Variants in ATG7 observed in about 807,000 individuals in gnomAD.
ATG7 encodes autophagy related 7, also known as ubiquitin-like modifier-activating enzyme ATG7.
In ATG7, 70 loss-of-function variants were observed where a neutral mutation model predicts 82.4. The ratio of observed to expected loss-of-function variants is 0.85; its 90% CI spans 0.70 to 1.04. ATG7 has a LOEUF of 1.04. Ranked by LOEUF, ATG7 falls within the 50% of genes least tolerant of loss-of-function variation. The pLI is 0.00. For synonymous variants in ATG7, 287 were observed against 313.0 expected (o/e 0.92, Z 0.88); for missense variants, 792 against 864.3 (o/e 0.92, Z 1.05).
At chr3:11,470,694 G>A (rs956809286) in intron 20 of ATG7, among the ~76,000 whole-genome samples, 1 of 152,158 alleles carries the variant, frequency 6.6e-6, no homozygotes, top group Non-Finnish European at 1.5e-5. Context: ...AAATGTGTGG[G>A]CTGACATAAT....
chr3:11,447,136 T>C (rs2084641406), intron 20 of ATG7, among the ~76,000 whole-genome samples: 1 of 152,186 alleles, frequency 6.6e-6, no homozygotes, highest in Admixed American at 6.5e-5. Flanking sequence ...TTACAAGTGA[T>C]AGAAACCAAA....
rs145719245 is a variant in ATG7, at chr3:11,326,164, G to A, written c.679-5176G>A. On this transcript the variant is annotated intron_variant, in intron 9 of 20. Transcript: ENST00000693202. ...AAAACACATACCTGCTTACTGTTAA[G>A]CAAGTGAGTTTTTCACTACATCAGG... 2.7e-3 allele frequency among the ~76,000 whole-genome samples: 410 copies of A among 152,248 alleles called. 1 individual carries two copies. The highest frequency in any genetic ancestry group is 4.5e-3 in the Non-Finnish European group (307 of 68,028).
At chr3:11,401,418 C>G (rs892592926) in intron 19 of ATG7, among the ~76,000 whole-genome samples, 2 of 152,050 alleles carry the variant, frequency 1.3e-5, no homozygotes, top group African/African-American at 2.4e-5. Context: ...AAAAGATGAC[C>G]GAGAATAGAA....
intron 20 of ATG7, chr3:11,446,944 A>T (rs2084622303): frequency 6.5e-6 from 1 of 153,064 alleles, no homozygotes; most frequent in Non-Finnish European, 1.5e-5. Flanking sequence ...TTACTGCCTG[A>T]CATCAAGTCA....
chr3:11,559,745 T>C (rs1429718430), downstream of ATG7, among the ~76,000 whole-genome samples: 1 of 152,140 alleles, frequency 6.6e-6, no homozygotes, highest in Non-Finnish European at 1.5e-5. Context: ...TCAAATCTGT[T>C]AAGACAAACA....
In ATG7 at chr3:11,382,008, T is replaced by A. The variant is rs561006927; in HGVS notation, c.1956+1956T>A. On this transcript the variant is annotated intron_variant, in intron 19 of 20. Coordinates refer to ENST00000693202, the MANE Select transcript of ATG7 (RefSeq NM_001349232.2). Reference sequence around the variant, plus strand: ...TGTATATTTAGTATAATACATGTTATACAGAGTCATGTCATAGTTGTTGTT... The same window carrying A: ...TGTATATTTAGTATAATACATGTTAAACAGAGTCATGTCATAGTTGTTGTT... 7.9e-5 allele frequency among the ~76,000 whole-genome samples: 12 copies of A among 152,376 alleles called. No individual in the cohort carries two copies. In the East Asian group the frequency reaches 2.1e-3, roughly 27 times the overall value.
chr3:11,399,485 A>G (rs532927836), intron 19 of ATG7, among the ~76,000 whole-genome samples: 1 of 152,326 alleles, frequency 6.6e-6, no homozygotes, highest in South Asian at 2.1e-4. Context: ...AAATTATTAT[A>G]TAAGTCGCTG....
chr3:11,274,025 A>C (rs1280063275), intron 1 of ATG7, among the ~76,000 whole-genome samples: 2 of 152,002 alleles, frequency 1.3e-5, no homozygotes, highest in Non-Finnish European at 2.9e-5. Flanking sequence ...GGTGTGTGTC[A>C]CCTATAGCCC....
At chr3:11,356,067 C>T (rs2075911284) in intron 14 of ATG7, among the ~76,000 whole-genome samples, 1 of 151,968 alleles carries the variant, frequency 6.6e-6, no homozygotes, top group Non-Finnish European at 1.5e-5. Context: ...AAGTATATAC[C>T]CTAGCATATC....
chr3:11,564,976 G>T, the ATG7 span: 2 of 1,531,884 alleles, frequency 1.3e-6, no homozygotes, highest in Non-Finnish European at 1.8e-6. Context: ...CTGCGGCTCC[G>T]CTCCCGGGGG....
At chr3:11,340,608 C>T (rs1953394284) in intron 11 of ATG7, 37 bp from the exon 12 acceptor site, 1 of 1,566,004 alleles carries the variant, frequency 6.4e-7, no homozygotes, top group Non-Finnish European at 8.8e-7. Context: ...TTTATTCTTC[C>T]CTCCTTCATT....
At position 11,480,593 on chromosome 3, in the gene ATG7, C is replaced by A. The variant is rs563140155; in HGVS notation, c.2079+53667C>A. On this transcript the variant is annotated intron_variant, in intron 20 of 20. Transcript: ENST00000693202. ...TCAAGAAACAGACAAAAAAACCTTA[C>A]AATCTGTGCTCACTGGTTTCCTCGA... 3.9e-5 allele frequency among the ~76,000 whole-genome samples: 6 copies of A among 152,272 alleles called. No individual in the cohort carries two copies. The South Asian group carries it at 1.2e-3, about 32-fold the overall frequency.
rs1050733444 is a variant in ATG7 at position 11,369,168 on chromosome 3, A to C, written c.1875+4434A>C. Among the ~76,000 whole-genome samples, 5 of 150,840 alleles carry C rather than the reference A, an allele frequency of 3.3e-5. 1 individual carries two copies. On this transcript the variant is annotated intron_variant, in intron 18 of 20. Coordinates refer to ENST00000693202, the MANE Select transcript of ATG7 (RefSeq NM_001349232.2). ...CTTTAGATTTTGAAAAAATCTCTTT[A>C]CTGTGTTCAGAAATACTTATCTCAG...
intron 20 of ATG7, among the ~76,000 whole-genome samples, chr3:11,460,587 A>G (rs2086210628): frequency 6.6e-6 from 1 of 152,156 alleles, no homozygotes; most frequent in Non-Finnish European, 1.5e-5. Context: ...CTTCCCATTC[A>G]AGAGGAGAAC....
chr3:11,432,967 C>T (rs1157648315), intron 20 of ATG7, among the ~76,000 whole-genome samples: 1 of 152,008 alleles, frequency 6.6e-6, no homozygotes, highest in East Asian at 1.9e-4. Flanking sequence ...AGTCATGGAG[C>T]TATTGAGGTT....
chr3:11,491,205 G>C (rs1197759023), intron 20 of ATG7, among the ~76,000 whole-genome samples: 9 of 151,916 alleles, frequency 5.9e-5, no homozygotes, highest in Admixed American at 5.9e-4. Flanking sequence ...TTCCCTTCTT[G>C]CTTCATTTCA....
rs192985446 is a variant in ATG7 at position 11,439,349 on chromosome 3, G to A, written c.2079+12423G>A. On this transcript the variant is annotated intron_variant, in intron 20 of 20. Coordinates refer to ENST00000693202, the MANE Select transcript of ATG7 (RefSeq NM_001349232.2). The stretch of plus-strand genomic sequence containing the variant: ...CTCAGAAAGTGCTGGGATTACAGGT[G>A]TGAGCCACTGCACCGGGCCTGAGCT... Among the ~76,000 whole-genome samples the A allele has an allele frequency of 3.3e-5, 5 of 152,226 alleles. No individual in the cohort carries two copies. In the East Asian group the frequency reaches 9.7e-4, roughly 29 times the overall value.
At chr3:11,325,101 A>G (rs879604185) in intron 9 of ATG7, among the ~76,000 whole-genome samples, 4 of 152,232 alleles carry the variant, frequency 2.6e-5, no homozygotes, top group Non-Finnish European at 5.9e-5. Flanking sequence ...GCCTAGGAAC[A>G]ACAAGCTATA....
chr3:11,571,679 T>C, the ATG7 span, among the ~76,000 whole-genome samples: 1 of 152,014 alleles, frequency 6.6e-6, no homozygotes, highest in East Asian at 1.9e-4. Context: ...GAAATAAAAA[T>C]AAAATACTCC....
Sources: gnomAD v4.1 joint callset for allele counts (sites outside exome capture counted in the v4.1 genomes callset) on GRCh38, gnomAD v4.1.1 for gene constraint, MANE v1.5 for transcripts, NCBI Gene and HGNC (gene_info 2026-07-23, HGNC 2026-07-21) for gene names.